Variants in THAP8 observed in about 807,000 individuals in gnomAD.
THAP8 encodes the protein THAP domain-containing protein 8.
In THAP8, 24 loss-of-function variants were observed where a neutral mutation model predicts 25.0. The observed-to-expected ratio is 0.96, with a 90% CI of 0.69 to 1.35. The LOEUF is 1.35. Among genes scored for constraint, THAP8 ranks in the 40% most tolerant of loss-of-function variants. THAP8 has a pLI of 0.00. For missense variants in THAP8, 399 were observed against 368.8 expected (o/e 1.08, Z -0.67); for synonymous variants, 169 against 157.6 (o/e 1.07, Z -0.54).
At chr19:36,054,071 A>C (rs931709526) in intron 1 of THAP8, 64 bp downstream of exon 1, 2 of 1,556,124 alleles carry the variant, frequency 1.3e-6, no homozygotes, top group South Asian at 1.2e-5. Context: ...AGCAGCACTA[A>C]TGCTCGGGCC....
At chr19:36,045,337 C>T (rs968024483) in intron 1 of THAP8, among the ~76,000 whole-genome samples, 1 of 150,520 alleles carries the variant, frequency 6.6e-6, no homozygotes, top group African/African-American at 2.5e-5. Context: ...GGTGTGATCT[C>T]GGCTCCCTGC....
At chr19:36,052,891 A>C (rs1970094498) in intron 1 of THAP8, among the ~76,000 whole-genome samples, 1 of 152,182 alleles carries the variant, frequency 6.6e-6, no homozygotes, top group Admixed American at 6.5e-5. Context: ...AAAGGATGGG[A>C]ATTCTGCCAC....
chr19:36,043,440 T>C (rs1030500659), intron 1 of THAP8, among the ~76,000 whole-genome samples: 10 of 151,998 alleles, frequency 6.6e-5, no homozygotes, highest in Admixed American at 5.2e-4. Flanking sequence ...TAGAGTGTTT[T>C]AGGAGAGGAA....
intron 1 of THAP8, among the ~76,000 whole-genome samples, chr19:36,042,334 G>A (rs898003806): frequency 7.2e-5 from 11 of 151,782 alleles, no homozygotes; most frequent in East Asian, 1.9e-4. Flanking sequence ...ACCTGCGTTC[G>A]TAGCAACATA....
chr19:36,046,098 AG>A (rs1369120636), intron 1 of THAP8: 5 of 359,190 alleles, frequency 1.4e-5, no homozygotes, highest in Non-Finnish European at 2.7e-5. Flanking sequence ...CCATGTGTCA[AG>A]GGAGGGACAT....
intron 3 of THAP8, among the ~76,000 whole-genome samples, chr19:36,036,213 T>C (rs1271753563): frequency 1.3e-5 from 2 of 150,070 alleles, no homozygotes; most frequent in Non-Finnish European, 2.9e-5. Flanking sequence ...CCAACTGCTA[T>C]CACCTGAGAA....
At chr19:36,045,618 G>A (rs1969852810) in intron 1 of THAP8, 1 of 411,932 alleles carries the variant, frequency 2.4e-6, no homozygotes. Flanking sequence ...AGGATCTTGA[G>A]ATGGGGAGAT....
chr19:36,041,294 A>T (rs890081367), intron 1 of THAP8, among the ~76,000 whole-genome samples: 1 of 151,864 alleles, frequency 6.6e-6, no homozygotes, highest in Admixed American at 6.6e-5. Flanking sequence ...CCTGGGTGAC[A>T]GAGCCAGACC....
At position 36,039,599 on chromosome 19, in the gene THAP8, C is replaced by G. The variant is rs2145432840; in HGVS notation, c.396G>C (p.Val132=). The G allele has an allele frequency of 2.0e-6, 3 of 1,511,952 alleles. No individual in the cohort carries two copies. Among genetic ancestry groups the G allele is most frequent in the Non-Finnish European group, 2.7e-6 (3 of 1,126,072 alleles). 93.7% of individuals were successfully genotyped at this position (1,511,952 alleles called of 1,614,324 possible). The change falls in exon 3 of 4, where the codon GTG becomes GTC. Residue 132 remains valine (V), a synonymous_variant. Transcript: ENST00000292894. ...TGGGGCTCCCCGATGTGGGGCCCAG[C>G]ACCACTAGGCGCACTGGGCCAGAGA... ...IPVSGPVRLV[V]LGPTSGSPKT...
At chr19:36,038,810 T>C (rs984499967) in intron 3 of THAP8, among the ~76,000 whole-genome samples, 1 of 148,080 alleles carries the variant, frequency 6.8e-6, no homozygotes, top group East Asian at 2.0e-4. Context: ...GAGATTGCAC[T>C]ACTGCACTCC....
intron 1 of THAP8, 66 bp downstream of exon 1, chr19:36,054,069 T>A: frequency 6.5e-7 from 1 of 1,548,710 alleles, no homozygotes; most frequent in Non-Finnish European, 8.8e-7. Context: ...ACAGCAGCAC[T>A]AATGCTCGGG....
chr19:36,042,806 A>C (rs1339079639), intron 1 of THAP8, among the ~76,000 whole-genome samples: 1 of 152,084 alleles, frequency 6.6e-6, no homozygotes, highest in Non-Finnish European at 1.5e-5. Context: ...TCACTCTGTC[A>C]CCCAGGCTGG....
upstream of THAP8, chr19:36,054,528 C>T (rs897655992): frequency 1.8e-5 from 10 of 563,096 alleles, no homozygotes; most frequent in Admixed American, 3.1e-4. Flanking sequence ...GTTTCTGAGC[C>T]TGCGCCAACC....
In THAP8 at chr19:36,048,778, T is replaced by C. The variant is rs546395489; in HGVS notation, c.83+5357A>G. On this transcript the variant is annotated intron_variant, in intron 1 of 3. Transcript: ENST00000292894. ...CGGGAGGACTGCTTGAGCCCAGGAG[T>C]TTGAGGCTGCAGTGAACCATGATGG... 8.2e-5 allele frequency among the ~76,000 whole-genome samples: 12 copies of C among 146,540 alleles called. 2 individuals are homozygous for C. In the South Asian group the frequency reaches 2.6e-3, roughly 32 times the overall value.
At chr19:36,036,548 G>C (rs531661980) in intron 3 of THAP8, among the ~76,000 whole-genome samples, 1 of 152,154 alleles carries the variant, frequency 6.6e-6, no homozygotes, top group East Asian at 1.9e-4. Context: ...GGGATTACAG[G>C]TGTGAGCCAC....
chr19:36,048,869 A>AAAC lies in THAP8; in HGVS notation c.83+5263_83+5265dup, dbSNP rs1363990850. 3.4e-3 allele frequency among the ~76,000 whole-genome samples: 519 copies of AAAC among 150,712 alleles called. 2 individuals are homozygous for AAAC. The highest frequency in any genetic ancestry group is 0.02 in the South Asian group (92 of 4,658). Reference sequence around the variant, plus strand: ...AAAAAAAAAAAAACAAAAAAACAAAAAACACCTTTGTTGTAGTAAGCCACT... The same window carrying AAAC: ...AAAAAAAAAAAAACAAAAAAACAAAAAACAACACCTTTGTTGTAGTAAGCCACT... On this transcript the variant is annotated intron_variant, in intron 1 of 3. Transcript: ENST00000292894.
chr19:36,048,850 AAAAAAAC>A (rs1046000703), intron 1 of THAP8, among the ~76,000 whole-genome samples: 17 of 131,340 alleles, frequency 1.3e-4, no homozygotes, highest in Non-Finnish European at 2.3e-4. Context: ...TTAAAAAAAA[AAAAAAAC>A]AAAAAAACAA....
In THAP8 at chr19:36,039,821, C is replaced by T; in HGVS notation, c.277-103G>A. ...CCAAGGGGGACTTGCCTAGGTAAGG[C>T]CAGACCTCAGGGAGGAAGTGTCGTC... On this transcript the variant is annotated intron_variant, in intron 2 of 3. Coordinates refer to ENST00000292894, the MANE Select transcript of THAP8 (RefSeq NM_152658.3). 2.6e-6 allele frequency: 4 copies of T among 1,541,562 alleles called. No individual in the cohort carries two copies. The East Asian group carries it at 7.0e-5, about 27-fold the overall frequency.
Position 36,039,974 on chromosome 19 carries a change from G to C in THAP8, c.246C>G (p.Pro82=), listed in dbSNP as rs756303823. The change falls in exon 2 of 4, where the codon CCC becomes CCG. Residue 82 remains proline (P), a synonymous_variant. Coordinates refer to ENST00000292894, the MANE Select transcript of THAP8 (RefSeq NM_152658.3). ...GVRYLRPDAV[P]SIFSRGPPAK... Reference sequence around the variant, plus strand: ...CAGGTGGTCCCCGGGAGAAGATGGAGGGCACTGCATCAGGCCGCAGGTAGC... The same window carrying C: ...CAGGTGGTCCCCGGGAGAAGATGGACGGCACTGCATCAGGCCGCAGGTAGC... 2 of 1,613,360 alleles carry C rather than the reference G, an allele frequency of 1.2e-6. No homozygotes were observed. Among genetic ancestry groups the C allele is most frequent in the Non-Finnish European group, 1.7e-6 (2 of 1,179,926 alleles).
Sources: allele counts gnomAD v4.1 joint callset (sites outside exome capture counted in the v4.1 genomes callset), GRCh38; gene constraint gnomAD v4.1.1; transcripts MANE v1.5; gene names NCBI Gene and HGNC (gene_info 2026-07-23, HGNC 2026-07-21).